Variants in LDLRAD4 observed in about 807,000 individuals in gnomAD.
LDLRAD4 encodes the protein low-density lipoprotein receptor class A domain-containing protein 4.
A neutral mutation model predicts 17.0 loss-of-function variants in LDLRAD4; 5 were observed. The ratio of observed to expected loss-of-function variants is 0.29; its 90% confidence interval spans 0.15 to 0.62. The LOEUF is 0.62. Ranked by LOEUF, LDLRAD4 falls within the 20% of genes least tolerant of loss-of-function variation. The pLI is 0.84. For missense variants in LDLRAD4, 340 were observed against 424.7 expected, an observed-to-expected ratio of 0.80 and a Z score of 1.75; for synonymous variants, 168 against 171.8, an observed-to-expected ratio of 0.98 and a Z score of 0.17.
chr18:13,606,700 A>C (rs2095227763), intron 3 of LDLRAD4, among the ~76,000 whole-genome samples: 3 of 152,208 alleles, frequency 2.0e-5, no homozygotes, highest in African/African-American at 7.2e-5. Context: ...TGTTCTTTTA[A>C]AATCCTCATT....
intron 3 of LDLRAD4, among the ~76,000 whole-genome samples, chr18:13,539,799 A>T (rs1474537004): frequency 6.6e-6 from 1 of 152,226 alleles, no homozygotes; most frequent in Non-Finnish European, 1.5e-5. Flanking sequence ...TCACTGTCTA[A>T]TTATAATTCT....
At chr18:13,586,817 G>A (rs995707221) in intron 3 of LDLRAD4, among the ~76,000 whole-genome samples, 2 of 151,288 alleles carry the variant, frequency 1.3e-5, no homozygotes, top group African/African-American at 2.4e-5. Flanking sequence ...ACCCTGGGAG[G>A]CAGAGGTCGC....
intron 1 of LDLRAD4, among the ~76,000 whole-genome samples, chr18:13,303,438 C>T (rs758868428): frequency 1.1e-4 from 16 of 152,144 alleles, no homozygotes; most frequent in South Asian, 2.1e-4. Flanking sequence ...TCCTTTCTCT[C>T]GCTCTTTCTC....
At chr18:13,547,815 A>T (rs534127418) in intron 3 of LDLRAD4, among the ~76,000 whole-genome samples, 1 of 152,292 alleles carries the variant, frequency 6.6e-6, no homozygotes, top group East Asian at 1.9e-4. Context: ...GGCTCCCCAA[A>T]GGGCTGCAGC....
intron 2 of LDLRAD4, chr18:13,419,364 T>A (rs925477746): frequency 1.3e-5 from 2 of 152,180 alleles, no homozygotes; most frequent in Non-Finnish European, 2.9e-5. Flanking sequence ...CATGATTAGG[T>A]CCAAACTTTT....
At chr18:13,438,425 G>A (rs1462540326) in intron 3 of LDLRAD4, 41 bp downstream of exon 4, 2 of 1,582,478 alleles carry the variant, frequency 1.3e-6, no homozygotes, top group East Asian at 2.2e-5. Context: ...GTCTGATGTG[G>A]TTCTGAAACG....
intron 3 of LDLRAD4, among the ~76,000 whole-genome samples, chr18:13,474,485 C>A (rs2092885274): frequency 6.6e-6 from 1 of 152,222 alleles, no homozygotes; most frequent in Non-Finnish European, 1.5e-5. Context: ...AGCCATTGCT[C>A]CCTCCATGCA....
chr18:13,262,274 G>A (rs2043891185), intron 1 of LDLRAD4, among the ~76,000 whole-genome samples: 1 of 147,574 alleles, frequency 6.8e-6, no homozygotes, highest in Non-Finnish European at 1.5e-5. Context: ...AGTCCCGTGT[G>A]GCCCTGTGCG....
At chr18:13,421,413 C>T (rs1237582902) in intron 2 of LDLRAD4, among the ~76,000 whole-genome samples, 1 of 152,158 alleles carries the variant, frequency 6.6e-6, no homozygotes, top group Non-Finnish European at 1.5e-5. Context: ...AGGAGGTGAG[C>T]ATGCAGGGTG....
chr18:13,296,632 C>T (rs1469347122), intron 1 of LDLRAD4, among the ~76,000 whole-genome samples: 1 of 151,614 alleles, frequency 6.6e-6, no homozygotes, highest in Non-Finnish European at 1.5e-5. Context: ...CTGCCTCAGC[C>T]TTTCAAAGTG....
At chr18:13,563,354 C>T (rs2094560680) in intron 3 of LDLRAD4, among the ~76,000 whole-genome samples, 1 of 152,166 alleles carries the variant, frequency 6.6e-6, no homozygotes. Flanking sequence ...TCCATCCAGC[C>T]ATGCCTGTGG....
At position 13,390,690 on chromosome 18, in the gene LDLRAD4, T is replaced by A. The variant is rs373785683; in HGVS notation, c.40+2928T>A. Among the ~76,000 whole-genome samples the A allele has an allele frequency of 3.3e-5, 5 of 152,112 alleles. No individual in the cohort carries two copies. The East Asian group carries it at 7.7e-4, about 23-fold the overall frequency. On this transcript the variant is annotated intron_variant, in intron 2 of 5. Transcript: ENST00000359446. ...AAAATCACCTGACTTGTGCCATTCC[T>A]TCAGCAGGGGGGATCAAAATAATGG... is the stretch of plus-strand genomic sequence containing the variant.
intron 1 of LDLRAD4, among the ~76,000 whole-genome samples, chr18:13,237,703 A>C (rs1393465685): frequency 6.6e-6 from 1 of 152,160 alleles, no homozygotes; most frequent in Non-Finnish European, 1.5e-5. Context: ...CACTGTGATC[A>C]CTCAAGACCT....
intron 3 of LDLRAD4, among the ~76,000 whole-genome samples, chr18:13,477,410 T>C (rs1174096902): frequency 6.6e-6 from 1 of 152,162 alleles, no homozygotes; most frequent in African/African-American, 2.4e-5. Flanking sequence ...TGAGAAACAG[T>C]AGCAGAATGC....
chr18:13,580,520 T>C, intron 3 of LDLRAD4, among the ~76,000 whole-genome samples: 1 of 152,198 alleles, frequency 6.6e-6, no homozygotes, highest in Non-Finnish European at 1.5e-5. Flanking sequence ...GCTGGGAGGA[T>C]GTTCTTGGGA....
chr18:13,501,747 A>G (rs2147294466), intron 3 of LDLRAD4, among the ~76,000 whole-genome samples: 1 of 152,178 alleles, frequency 6.6e-6, no homozygotes, highest in African/African-American at 2.4e-5. Flanking sequence ...TCACACACGC[A>G]TGTCCCTCTC....
Position 13,263,626 on chromosome 18 carries a change from A to G in LDLRAD4, c.-466-14479A>G, listed in dbSNP as rs1341447815. On this transcript the variant is annotated intron_variant, in intron 1 of 5. Transcript: ENST00000399848. ...CCATGTGACCTTGGATGCTTCACTC[A>G]ACCCTCCTGTGCCCGAATTTCTCCA... Among the ~76,000 whole-genome samples, 3 of 152,258 alleles carry G rather than the reference A, an allele frequency of 2.0e-5. No homozygotes were observed. The East Asian group carries it at 5.8e-4, about 29-fold the overall frequency.
chr18:13,371,589 C>A (rs1262885434), intron 1 of LDLRAD4, among the ~76,000 whole-genome samples: 1 of 151,966 alleles, frequency 6.6e-6, no homozygotes, highest in Non-Finnish European at 1.5e-5. Flanking sequence ...ATGATGAAAC[C>A]CCATCTCCCT....
At chr18:13,595,388 C>T (rs1056202624) in intron 3 of LDLRAD4, among the ~76,000 whole-genome samples, 1 of 152,112 alleles carries the variant, frequency 6.6e-6, no homozygotes, top group African/African-American at 2.4e-5. Context: ...AGCTGTATCC[C>T]ATAAGTTTTG....
Sources: allele counts gnomAD v4.1 joint callset (sites outside exome capture counted in the v4.1 genomes callset), GRCh38; gene constraint gnomAD v4.1.1; transcripts MANE v1.5; gene names NCBI Gene and HGNC (gene_info 2026-07-23, HGNC 2026-07-21).